KCNAB1: variants seen among roughly 807,000 people sequenced by gnomAD.
KCNAB1 encodes voltage-gated potassium channel subunit beta-1.
Under a neutral mutation model 64.6 loss-of-function variants are expected in KCNAB1, and 35 were observed. The observed-to-expected ratio is 0.54, with a 90% CI of 0.41 to 0.72. KCNAB1 has a LOEUF of 0.72. Ranked by LOEUF, KCNAB1 falls within the 30% of genes least tolerant of loss-of-function variation. The pLI is 0.00. For missense variants in KCNAB1, 401 were observed against 512.9 expected, an observed-to-expected ratio of 0.78 and a Z score of 2.11; for synonymous variants, 177 against 183.8, an observed-to-expected ratio of 0.96 and a Z score of 0.30.
At position 156,375,466 on chromosome 3, in the gene KCNAB1, C is replaced by T. The variant is rs891382033; in HGVS notation, c.276-46150C>T. Reference sequence around the variant, plus strand: ...GGGGCAGAGAATAGACCAGAACCTGCTCATTTTCTAGTGACACAGACAGAA... The same window carrying T: ...GGGGCAGAGAATAGACCAGAACCTGTTCATTTTCTAGTGACACAGACAGAA... On this transcript the variant is annotated intron_variant, in intron 1 of 13. Transcript: ENST00000490337. Among the ~76,000 whole-genome samples the T allele has an allele frequency of 3.7e-5, 5 of 135,082 alleles. 1 individual carries two copies. The highest frequency in any genetic ancestry group is 1.3e-4 in the African/African-American group (4 of 30,016). The allele number at this position is 135,082 out of a possible 152,430, so 88.6% of individuals were successfully genotyped here.
chr3:156,273,677 G>T, intron 1 of KCNAB1: 1 of 454,836 alleles, frequency 2.2e-6, no homozygotes, highest in Non-Finnish European at 4.4e-6. Flanking sequence ...TTAAAACCAG[G>T]TACTGTCATC....
downstream of KCNAB1, chr3:156,539,083 T>C (rs1719288588): frequency 6.6e-6 from 1 of 152,222 alleles, no homozygotes; most frequent in Non-Finnish European, 1.5e-5. Flanking sequence ...ATTATTTTCT[T>C]TTCTCTTCCA....
At chr3:156,228,093 A>G (rs1292820403) in intron 1 of KCNAB1, among the ~76,000 whole-genome samples, 3 of 152,144 alleles carry the variant, frequency 2.0e-5, no homozygotes, top group African/African-American at 7.2e-5. Context: ...TTGCACAATA[A>G]TTTATTGTAC....
rs750878096 is a variant in KCNAB1, at chr3:156,302,198, C to G, written c.276-119418C>G. On this transcript the variant is annotated intron_variant, in intron 1 of 13. Coordinates refer to ENST00000490337, the MANE Select transcript of KCNAB1 (RefSeq NM_172160.3). ...TCTCTTTTTTTCTCACTTCGATTCT[C>G]CTGCCTGCCTCTTAAAGGACTGCTG... Among the ~76,000 whole-genome samples, 18 of 152,254 alleles carry G rather than the reference C, an allele frequency of 1.2e-4. No individual in the cohort carries two copies. The East Asian group carries it at 2.9e-3, about 24-fold the overall frequency.
At chr3:156,313,767 A>G (rs1019857435) in intron 1 of KCNAB1, among the ~76,000 whole-genome samples, 1 of 152,230 alleles carries the variant, frequency 6.6e-6, no homozygotes, top group African/African-American at 2.4e-5. Context: ...TGTTTTTGTG[A>G]TAATTTGTGA....
At chr3:156,284,966 A>T (rs535694697) in intron 1 of KCNAB1, among the ~76,000 whole-genome samples, 1 of 152,290 alleles carries the variant, frequency 6.6e-6, no homozygotes, top group African/African-American at 2.4e-5. Flanking sequence ...AGCTGTTCCT[A>T]TTCGGCCATC....
chr3:156,342,064 G>A (rs1279090157), intron 1 of KCNAB1, among the ~76,000 whole-genome samples: 2 of 152,292 alleles, frequency 1.3e-5, no homozygotes, highest in Non-Finnish European at 1.5e-5. Context: ...AGGTGAGCTT[G>A]TGCTACCTTC....
At chr3:156,260,398 G>T (rs981958215) in intron 1 of KCNAB1, among the ~76,000 whole-genome samples, 8 of 152,100 alleles carry the variant, frequency 5.3e-5, no homozygotes, top group Non-Finnish European at 1.2e-4. Context: ...TCCTCAAAAA[G>T]TTCGCTCATT....
intron 1 of KCNAB1, among the ~76,000 whole-genome samples, chr3:156,262,259 C>T (rs1718475250): frequency 6.6e-6 from 1 of 151,892 alleles, no homozygotes; most frequent in South Asian, 2.1e-4. Flanking sequence ...GGCAAAGTGG[C>T]ATTGTTCCCT....
At chr3:156,324,009 C>A (rs1326167916) in intron 1 of KCNAB1, among the ~76,000 whole-genome samples, 1 of 152,118 alleles carries the variant, frequency 6.6e-6, no homozygotes, top group Admixed American at 6.5e-5. Context: ...AACCAAGGAA[C>A]ATCACATAGA....
intron 1 of KCNAB1, among the ~76,000 whole-genome samples, chr3:156,380,707 G>A (rs191880377): frequency 5.3e-5 from 8 of 152,276 alleles, no homozygotes; most frequent in Non-Finnish European, 7.4e-5. Context: ...AGAAACTAGG[G>A]AGAAAGGTAA....
intron 1 of KCNAB1, among the ~76,000 whole-genome samples, chr3:156,336,561 G>A (rs1378087197): frequency 2.6e-5 from 4 of 152,192 alleles, no homozygotes; most frequent in Non-Finnish European, 5.9e-5. Flanking sequence ...AGAATGGCAT[G>A]GATTAAGGAC....
chr3:156,135,029 C>G (rs1277120767), intron 1 of KCNAB1, among the ~76,000 whole-genome samples: 1 of 151,722 alleles, frequency 6.6e-6, no homozygotes, highest in African/African-American at 2.4e-5. Flanking sequence ...TGGAGTCTCA[C>G]TCTGCTGCCC....
intron 1 of KCNAB1, among the ~76,000 whole-genome samples, chr3:156,269,818 A>G (rs1188824401): frequency 6.6e-6 from 1 of 151,346 alleles, no homozygotes; most frequent in Non-Finnish European, 1.5e-5. Context: ...TTCCATTTGC[A>G]TGGAGTATCT....
At chr3:156,156,063 C>G (rs1302090374) in intron 1 of KCNAB1, among the ~76,000 whole-genome samples, 2 of 151,928 alleles carry the variant, frequency 1.3e-5, no homozygotes, top group African/African-American at 4.8e-5. Context: ...GTCTCTGGCC[C>G]CTCTGGAGTT....
intron 1 of KCNAB1, chr3:156,143,301 G>A (rs768278379): frequency 3.7e-6 from 6 of 1,613,372 alleles, no homozygotes; most frequent in Admixed American, 3.3e-5. Context: ...AGCCTCAGGC[G>A]GCCTGCAAAC....
At chr3:156,283,567 A>G (rs62286221) in intron 1 of KCNAB1, among the ~76,000 whole-genome samples, 1 of 151,614 alleles carries the variant, frequency 6.6e-6, no homozygotes, top group Non-Finnish European at 1.5e-5. Flanking sequence ...GTGTTTTCCA[A>G]GTTGGTTCCA....
intron 7 of KCNAB1, among the ~76,000 whole-genome samples, chr3:156,466,872 A>T (rs2108304637): frequency 6.6e-6 from 1 of 152,228 alleles, no homozygotes; most frequent in East Asian, 1.9e-4. Flanking sequence ...TATATTATCA[A>T]ACTTTACACT....
At chr3:156,412,773 G>T (rs116541872) in intron 1 of KCNAB1, among the ~76,000 whole-genome samples, 1,696 of 152,316 alleles carry the variant, frequency 0.011, 27 homozygotes, top group African/African-American at 0.039. Flanking sequence ...ACCTAGTAGT[G>T]GCTGTGAAGA....
Sources: gnomAD v4.1 joint callset for allele counts (sites outside exome capture counted in the v4.1 genomes callset) on GRCh38, gnomAD v4.1.1 for gene constraint, MANE v1.5 for transcripts, NCBI Gene and HGNC (gene_info 2026-07-23, HGNC 2026-07-21) for gene names.